The following ADARB1 variants were observed in gnomAD, a reference collection of about 807,000 sequenced individuals.
ADARB1 encodes the protein double-stranded RNA-specific editase 1.
A neutral mutation model predicts 52.4 loss-of-function variants in ADARB1; 10 were observed. The ratio of observed to expected loss-of-function variants is 0.19; its 90% CI spans 0.12 to 0.32. The LOEUF (loss-of-function observed/expected upper bound fraction) is 0.32, where lower values mean the gene tolerates loss of function less well. Among genes scored for constraint, ADARB1 ranks in the 10% least tolerant of loss-of-function variants. The pLI, the probability that ADARB1 is intolerant of heterozygous loss-of-function variation, is 1.00. For missense variants in ADARB1, 643 were observed against 922.3 expected (o/e 0.70, Z 3.92); for synonymous variants, 349 against 371.1 (o/e 0.94, Z 0.68).
At chr21:45,144,995 CTTT>C (rs1294926238) in intron 2 of ADARB1, 2 of 177,466 alleles carry the variant, frequency 1.1e-5, no homozygotes, top group African/African-American at 4.7e-5. Context: ...TTTAATCTAA[CTTT>C]TTATATGAAT....
At chr21:45,149,401 G>A (rs1052285860) in intron 2 of ADARB1, among the ~76,000 whole-genome samples, 5 of 152,228 alleles carry the variant, frequency 3.3e-5, no homozygotes, top group Admixed American at 6.5e-5. Flanking sequence ...CCTGACACTG[G>A]CAGGGGTTGG....
intron 1 of ADARB1, among the ~76,000 whole-genome samples, chr21:45,084,470 A>G (rs954191248): frequency 2.0e-5 from 3 of 152,184 alleles, no homozygotes; most frequent in Non-Finnish European, 4.4e-5. Context: ...AGGTGGAATG[A>G]TGGATTCAGA....
At chr21:45,139,068 A>G (rs1010067423) in intron 2 of ADARB1, among the ~76,000 whole-genome samples, 1 of 152,022 alleles carries the variant, frequency 6.6e-6, no homozygotes, top group South Asian at 2.1e-4. Context: ...CTACAGGCGC[A>G]TGCCACCATG....
chr21:45,143,871 A>G (rs1255963405), intron 2 of ADARB1, among the ~76,000 whole-genome samples: 1 of 152,200 alleles, frequency 6.6e-6, no homozygotes, highest in Non-Finnish European at 1.5e-5. Context: ...CCATCATCCT[A>G]GAATAACAGC....
At chr21:45,121,136 G>A (rs567197106) in intron 1 of ADARB1, among the ~76,000 whole-genome samples, 6 of 152,240 alleles carry the variant, frequency 3.9e-5, no homozygotes, top group African/African-American at 1.4e-4. Flanking sequence ...TAAAACGAGT[G>A]GGGGATGTTC....
chr21:45,155,959 C>T, intron 2 of ADARB1, among the ~76,000 whole-genome samples: 2 of 17,640 alleles, frequency 1.1e-4, no homozygotes, highest in African/African-American at 2.1e-4. Flanking sequence ...CATCATCCAG[C>T]CATCCACCCA....
chr21:45,116,754 A>T (rs1028792810), intron 1 of ADARB1, among the ~76,000 whole-genome samples: 1 of 152,222 alleles, frequency 6.6e-6, no homozygotes, highest in African/African-American at 2.4e-5. Context: ...GAACTCACTC[A>T]CTATCACGAA....
Position 45,224,604 on chromosome 21 carries a change from TG to T in ADARB1, c.*2408del. 7 of 509,126 alleles carry T rather than the reference TG, an allele frequency of 1.4e-5. No individual in the cohort carries two copies. The highest frequency in any genetic ancestry group is 9.6e-5 in the African/African-American group (1 of 10,426). The allele number at this position is 509,126 out of a possible 1,614,324, so 31.5% of individuals were successfully genotyped here. On this transcript the variant is annotated 3_prime_UTR_variant, in exon 11 of 11. Transcript: ENST00000348831. Reference sequence around the variant, plus strand: ...GCAGGGGGCTACTGGGGGGCGGCTGTGAGGAGGAGTTGGGTTCAGGGAGCCC... The same window carrying T: ...GCAGGGGGCTACTGGGGGGCGGCTGTAGGAGGAGTTGGGTTCAGGGAGCCC...
Position 45,226,242 on chromosome 21 carries a change from G to C in ADARB1, c.*4045G>C, listed in dbSNP as rs1004921015. 1.3e-5 allele frequency: 2 copies of C among 152,536 alleles called. No individual in the cohort carries two copies. The highest frequency in any genetic ancestry group is 2.9e-5 in the Non-Finnish European group (2 of 68,056). 9.4% of individuals were successfully genotyped at this position (152,536 alleles called of 1,614,324 possible). The stretch of plus-strand genomic sequence containing the variant: ...AAGGAACCGATGGGCCATTAAACAT[G>C]AACTGAACGGTTAAAAGCACAGTCT... On this transcript the variant is annotated 3_prime_UTR_variant, in exon 11 of 11. Coordinates refer to ENST00000348831, the MANE Select transcript of ADARB1 (RefSeq NM_001112.4).
intron 2 of ADARB1, among the ~76,000 whole-genome samples, chr21:45,150,715 ATGC>A (rs1341681329): frequency 6.6e-6 from 1 of 152,030 alleles, no homozygotes; most frequent in East Asian, 1.9e-4. Context: ...CTTTCATGAG[ATGC>A]TGCTTTGCCT....
At chr21:45,212,941 G>T (rs2146408834) in intron 9 of ADARB1, among the ~76,000 whole-genome samples, 1 of 152,284 alleles carries the variant, frequency 6.6e-6, no homozygotes, top group South Asian at 2.1e-4. Context: ...TAATTTGAAG[G>T]TCTAGAAAAT....
At chr21:45,124,809 G>T (rs1295623748) in intron 1 of ADARB1, among the ~76,000 whole-genome samples, 1 of 151,416 alleles carries the variant, frequency 6.6e-6, no homozygotes, top group Non-Finnish European at 1.5e-5. Flanking sequence ...GTGTGTGTGT[G>T]TGTGTGTGAC....
intron 2 of ADARB1, among the ~76,000 whole-genome samples, chr21:45,129,599 G>A (rs974972477): frequency 6.6e-6 from 1 of 152,246 alleles, no homozygotes; most frequent in Non-Finnish European, 1.5e-5. Context: ...GCTCTCATGT[G>A]AGCCGCTCAC....
Position 45,169,568 on chromosome 21 carries a change from T to A in ADARB1, c.-47-2042T>A, listed in dbSNP as rs551059238. Among the ~76,000 whole-genome samples the A allele has an allele frequency of 3.3e-5, 5 of 152,328 alleles. No homozygotes were observed. In the East Asian group the frequency reaches 9.7e-4, roughly 29 times the overall value. On this transcript the variant is annotated intron_variant, in intron 2 of 10. Coordinates refer to ENST00000348831, the MANE Select transcript of ADARB1 (RefSeq NM_001112.4). ...CCCTGGCTTGTCAGCTTTCTCTACATCTCTCAGTCTTTTTATGTGTGTTTT... is the reference window on the plus strand; with the variant it reads ...CCCTGGCTTGTCAGCTTTCTCTACAACTCTCAGTCTTTTTATGTGTGTTTT...
At chr21:45,199,109 T>TAG (rs1292478096) in intron 8 of ADARB1, among the ~76,000 whole-genome samples, 1 of 152,186 alleles carries the variant, frequency 6.6e-6, no homozygotes, top group Non-Finnish European at 1.5e-5. Context: ...AAATGTAAAC[T>TAG]AGATGGAGGC....
chr21:45,124,046 A>G (rs1199687039), intron 1 of ADARB1, among the ~76,000 whole-genome samples: 1 of 152,152 alleles, frequency 6.6e-6, no homozygotes, highest in Non-Finnish European at 1.5e-5. Flanking sequence ...GTTTCTCTTG[A>G]TTTATTAATG....
At chr21:45,134,342 T>G (rs1601514791) in intron 2 of ADARB1, among the ~76,000 whole-genome samples, 1 of 119,630 alleles carries the variant, frequency 8.4e-6, no homozygotes, top group East Asian at 2.5e-4. Flanking sequence ...CCGACAGTGG[T>G]GTGTGCGCCC....
At chr21:45,109,904 T>TTCTC (rs925861287) in intron 1 of ADARB1, among the ~76,000 whole-genome samples, 1 of 152,230 alleles carries the variant, frequency 6.6e-6, no homozygotes, top group East Asian at 1.9e-4. Context: ...GGAGGCGCCT[T>TTCTC]TCTCTCTCTT....
At position 45,098,097 on chromosome 21, in the gene ADARB1, C is replaced by G. The variant is rs896606061; in HGVS notation, c.-220+23304C>G. Among the ~76,000 whole-genome samples the G allele has an allele frequency of 1.4e-4, 22 of 152,228 alleles. 1 individual carries two copies. Among genetic ancestry groups the G allele is most frequent in the Admixed American group, 1.4e-3 (21 of 15,282 alleles). Reference sequence around the variant, plus strand: ...CCTCAAACATTTGTGCCTGCTGTCCCTGCGTTCGCTTCCCACCCGGGTGCT... The same window carrying G: ...CCTCAAACATTTGTGCCTGCTGTCCGTGCGTTCGCTTCCCACCCGGGTGCT... On this transcript the variant is annotated intron_variant, in intron 1 of 10. Transcript: ENST00000348831.
Sources: allele counts gnomAD v4.1 joint callset (sites outside exome capture counted in the v4.1 genomes callset), GRCh38; gene constraint gnomAD v4.1.1; transcripts MANE v1.5; gene names NCBI Gene and HGNC (gene_info 2026-07-23, HGNC 2026-07-21).